Variants in SYNJ1 observed in about 807,000 individuals in gnomAD.
SYNJ1 encodes polyphosphatidylinositol phosphatase SYNJ1.
A neutral mutation model predicts 168.2 loss-of-function variants in SYNJ1; 78 were observed. The ratio of observed to expected loss-of-function variants is 0.46; its 90% CI spans 0.39 to 0.56. The LOEUF is 0.56. Among genes scored for constraint, SYNJ1 ranks in the 20% least tolerant of loss-of-function variants. The pLI, the probability that SYNJ1 is intolerant of heterozygous loss-of-function variation, is 0.00. For missense variants in SYNJ1, 1,303 were observed against 1,597.6 expected (o/e 0.82, Z 3.14); for synonymous variants, 539 against 548.6 (o/e 0.98, Z 0.24).
rs1307565677 is a variant in SYNJ1, at chr21:32,629,254, A to G, written c.*2551T>C. ...AATACCATATACACTAGTCACATGGATGTTAAAGCCACAGTTTCAACAAGT... is the reference window on the plus strand; with the variant it reads ...AATACCATATACACTAGTCACATGGGTGTTAAAGCCACAGTTTCAACAAGT... On this transcript the variant is annotated 3_prime_UTR_variant, in exon 33 of 33. Transcript: ENST00000674351. 1.3e-5 allele frequency: 2 copies of G among 152,646 alleles called. No individual in the cohort carries two copies. Among genetic ancestry groups the G allele is most frequent in the Non-Finnish European group, 2.9e-5 (2 of 68,032 alleles). The allele number at this position is 152,646 out of a possible 1,614,324, so 9.5% of individuals were successfully genotyped here.
At chr21:32,673,268 C>T in intron 14 of SYNJ1, 72 bp downstream of exon 14, 2 of 1,360,258 alleles carry the variant, frequency 1.5e-6, no homozygotes, top group African/African-American at 3.0e-5. Flanking sequence ...CTCTGAAGTG[C>T]TATATTTGTT....
chr21:32,706,325 A>C (rs950367957), intron 2 of SYNJ1, among the ~76,000 whole-genome samples: 1 of 152,224 alleles, frequency 6.6e-6, no homozygotes, highest in Non-Finnish European at 1.5e-5. Context: ...ATTGGTAAAA[A>C]TTGAAGAGAG....
intron 22 of SYNJ1, 142 bp from the exon 23 acceptor site, chr21:32,650,488 T>TTTAG: frequency 1.5e-6 from 1 of 663,610 alleles, no homozygotes; most frequent in Non-Finnish European, 2.4e-6. Flanking sequence ...GAAATAGTTC[T>TTTAG]TTCACATATA....
chr21:32,683,654 C>T (rs1287527465), intron 10 of SYNJ1, among the ~76,000 whole-genome samples: 1 of 151,952 alleles, frequency 6.6e-6, no homozygotes, highest in Non-Finnish European at 1.5e-5. Context: ...AAAATAGACC[C>T]TTCTTATCCT....
rs1396577185 is a variant in SYNJ1, at chr21:32,638,937, A to G, written c.3886T>C (p.Leu1296=). The change falls in exon 31 of 33, where the codon TTG becomes CTG. Residue 1296 remains leucine, a synonymous_variant. Coordinates refer to ENST00000674351, the MANE Select transcript of SYNJ1 (RefSeq NM_203446.3). Reference sequence around the variant, plus strand: ...GGTTGTGAGGAAGCTTCTGAAGGCAAGCTATGGGATGACCTGCTTCGAGGT... The same window carrying G: ...GGTTGTGAGGAAGCTTCTGAAGGCAGGCTATGGGATGACCTGCTTCGAGGT... ...PPPRSRSSHS[L]PSEASSQPQQ... is the part of the protein sequence containing the mutation. 1 of 1,608,244 alleles carries G rather than the reference A, an allele frequency of 6.2e-7. No homozygotes were observed. The highest frequency in any genetic ancestry group is 2.2e-5 in the East Asian group (1 of 44,774).
At chr21:32,671,624 T>C (rs1303837668) in intron 14 of SYNJ1, among the ~76,000 whole-genome samples, 3 of 152,116 alleles carry the variant, frequency 2.0e-5, no homozygotes, top group South Asian at 4.1e-4. Flanking sequence ...ATCTGTAAAA[T>C]TGGAATAATG....
chr21:32,712,105 A>G (rs962509559), intron 2 of SYNJ1, among the ~76,000 whole-genome samples: 4 of 152,220 alleles, frequency 2.6e-5, no homozygotes, highest in Non-Finnish European at 5.9e-5. Flanking sequence ...CTGAGAATAC[A>G]CTGTTCTTCC....
chr21:32,634,017 C>T (rs1173800579), intron 32 of SYNJ1, among the ~76,000 whole-genome samples: 1 of 152,016 alleles, frequency 6.6e-6, no homozygotes, highest in South Asian at 2.1e-4. Context: ...ATAGTTAATA[C>T]AAAATGAAAT....
chr21:32,642,639 G>A (rs1241020831), intron 27 of SYNJ1, among the ~76,000 whole-genome samples: 1 of 152,138 alleles, frequency 6.6e-6, no homozygotes, highest in Non-Finnish European at 1.5e-5. Flanking sequence ...GAGATCTTTC[G>A]GATTTCTATA....
At chr21:32,649,105 C>T (rs1173714472) in intron 23 of SYNJ1, among the ~76,000 whole-genome samples, 1 of 152,228 alleles carries the variant, frequency 6.6e-6, no homozygotes, top group Admixed American at 6.5e-5. Flanking sequence ...TTCCCATGAG[C>T]TACCACAAAA....
chr21:32,670,394 A>G (rs766816819), intron 14 of SYNJ1, 22 bp from the exon 15 acceptor site: 14 of 1,577,852 alleles, frequency 8.9e-6, no homozygotes, highest in Admixed American at 8.4e-5. Flanking sequence ...CATCCAAGAA[A>G]TACTTTTAAA....
intron 1 of SYNJ1, among the ~76,000 whole-genome samples, chr21:32,727,407 G>C (rs1463648603): frequency 6.6e-6 from 1 of 152,180 alleles, no homozygotes; most frequent in African/African-American, 2.4e-5. Context: ...ATTATCCCAC[G>C]CGACAGGCTC....
intron 14 of SYNJ1, among the ~76,000 whole-genome samples, chr21:32,672,188 A>T (rs2041230602): frequency 6.6e-6 from 1 of 151,830 alleles, no homozygotes; most frequent in African/African-American, 2.4e-5. Flanking sequence ...CTAAAAAAGA[A>T]AAATTTTATC....
At chr21:32,643,535 T>A in intron 26 of SYNJ1, 78 bp from the exon 27 acceptor site, 1 of 1,446,940 alleles carries the variant, frequency 6.9e-7, no homozygotes, top group Non-Finnish European at 9.6e-7. Flanking sequence ...ACAAGACAAT[T>A]TCCATAGTAA....
chr21:32,663,732 C>T (rs1377927539), intron 18 of SYNJ1, among the ~76,000 whole-genome samples: 1 of 152,212 alleles, frequency 6.6e-6, no homozygotes, highest in East Asian at 1.9e-4. Flanking sequence ...ACTGGACCCC[C>T]ATTTACATGC....
intron 10 of SYNJ1, among the ~76,000 whole-genome samples, chr21:32,683,476 C>A (rs913311167): frequency 6.6e-6 from 1 of 152,028 alleles, no homozygotes; most frequent in Non-Finnish European, 1.5e-5. Flanking sequence ...AAACACCAAA[C>A]AAACTGGATT....
chr21:32,726,679 G>T, intron 2 of SYNJ1, 93 bp downstream of exon 2: 1 of 1,478,904 alleles, frequency 6.8e-7, no homozygotes, highest in Non-Finnish European at 9.2e-7. Context: ...CAGTGAAAGG[G>T]TTGTCGGGCT....
chr21:32,653,390 C>A, intron 21 of SYNJ1, 24 bp from the exon 22 acceptor site: 2 of 1,541,616 alleles, frequency 1.3e-6, no homozygotes, highest in South Asian at 1.1e-5. Context: ...AATAAAAAAC[C>A]ATAATTAATA....
intron 27 of SYNJ1, 58 bp downstream of exon 27, chr21:32,643,352 C>CGCT: frequency 6.3e-7 from 1 of 1,577,524 alleles, no homozygotes; most frequent in Non-Finnish European, 8.7e-7. Context: ...GGAGGTGGGG[C>CGCT]GCTGACACTG....
Sources: gnomAD v4.1 joint callset for allele counts (sites outside exome capture counted in the v4.1 genomes callset) on GRCh38, gnomAD v4.1.1 for gene constraint, MANE v1.5 for transcripts, NCBI Gene and HGNC (gene_info 2026-07-23, HGNC 2026-07-21) for gene names.